The following ADAMTS6 variants were observed in gnomAD, a reference collection of about 807,000 sequenced individuals.
ADAMTS6 encodes ADAM metallopeptidase with thrombospondin type 1 motif 6.
ADAMTS6 carries 23 observed loss-of-function variants against 144.3 expected under a neutral mutation model. The ratio of observed to expected loss-of-function variants is 0.16; its 90% CI spans 0.11 to 0.23. The LOEUF (loss-of-function observed/expected upper bound fraction) is 0.23. ADAMTS6 is among the 10% of genes least tolerant of loss of function. The pLI is 1.00. For missense variants in ADAMTS6, 999 were observed against 1,379.6 expected (o/e 0.72, Z 4.37); for synonymous variants, 444 against 457.5 (o/e 0.97, Z 0.38).
chr5:65,226,249 T>A, intron 15 of ADAMTS6, 30 bp from the exon 16 acceptor site: 3 of 1,605,292 alleles, frequency 1.9e-6, no homozygotes, highest in Non-Finnish European at 2.6e-6. Context: ...GAGAAATAAG[T>A]GGAGTGGTTG....
At chr5:65,394,461 T>C (rs570663352) in intron 7 of ADAMTS6, among the ~76,000 whole-genome samples, 5 of 152,176 alleles carry the variant, frequency 3.3e-5, no homozygotes, top group Non-Finnish European at 7.3e-5. Context: ...ATAAAAATGA[T>C]TGCTGTTGTG....
chr5:65,283,621 A>C (rs115594509), intron 11 of ADAMTS6, among the ~76,000 whole-genome samples: 2,948 of 152,218 alleles, frequency 0.019, 103 homozygotes, highest in African/African-American at 0.067. Flanking sequence ...ATATGTTTGG[A>C]TTTCAAAAGA....
At chr5:65,411,418 A>G (rs1417914224) in intron 7 of ADAMTS6, among the ~76,000 whole-genome samples, 1 of 152,200 alleles carries the variant, frequency 6.6e-6, no homozygotes, top group Non-Finnish European at 1.5e-5. Flanking sequence ...ATTTTGAATA[A>G]AAAGTCTTTA....
At chr5:65,380,246 A>C (rs960130682) in intron 7 of ADAMTS6, among the ~76,000 whole-genome samples, 1 of 152,234 alleles carries the variant, frequency 6.6e-6, no homozygotes, top group East Asian at 1.9e-4. Flanking sequence ...TACGGAATTA[A>C]CAACTAGCAC....
At chr5:65,457,851 C>T (rs1002459965) in intron 4 of ADAMTS6, among the ~76,000 whole-genome samples, 27 of 149,724 alleles carry the variant, frequency 1.8e-4, no homozygotes, top group African/African-American at 7.4e-5. Context: ...CTCAGCCTCC[C>T]GAGTAGCTGG....
At chr5:65,383,694 T>C (rs1008759386) in intron 7 of ADAMTS6, among the ~76,000 whole-genome samples, 1 of 152,124 alleles carries the variant, frequency 6.6e-6, no homozygotes, top group East Asian at 1.9e-4. Context: ...CTCTGGGGTG[T>C]TGGGGGCATT....
At chr5:65,307,663 A>C (rs905247929) in intron 9 of ADAMTS6, among the ~76,000 whole-genome samples, 14 of 152,110 alleles carry the variant, frequency 9.2e-5, no homozygotes, top group African/African-American at 2.9e-4. Flanking sequence ...TGTTAGAGAG[A>C]ATTTAAAGGG....
At chr5:65,292,891 C>T (rs901525008) in intron 10 of ADAMTS6, among the ~76,000 whole-genome samples, 1 of 152,068 alleles carries the variant, frequency 6.6e-6, no homozygotes, top group African/African-American at 2.4e-5. Flanking sequence ...ACCCAGCTAT[C>T]CAGTTTTCAT....
At chr5:65,329,255 A>G (rs1746474147) in intron 9 of ADAMTS6, 123 bp downstream of exon 9, 4 of 760,028 alleles carry the variant, frequency 5.3e-6, no homozygotes. Context: ...TAATAACATC[A>G]TCTATTGGAA....
Position 65,242,158 on chromosome 5 carries a change from A to G in ADAMTS6, c.1879T>C (p.Phe627Leu). The G allele has an allele frequency of 1.2e-6, 2 of 1,604,146 alleles. No individual in the cohort carries two copies. The highest frequency in any genetic ancestry group is 1.7e-6 in the Non-Finnish European group (2 of 1,173,674). ...RDFREKQCAD[F>L]DNMPFRGKYY... ...TTTCCTCGGAAAGGCATATTGTCAA[A>G]GTCTGCACACTGTTTCTCTCGAAAA... is the stretch of plus-strand genomic sequence containing the variant. Residue 627 changes from phenylalanine to leucine, a missense_variant, in exon 15 of 25, where the codon TTT becomes CTT. Phe to Leu is a conservative substitution (Grantham distance 22, BLOSUM62 0). Around this residue, in one of 3 missense-constraint regions of ADAMTS6, gnomAD observed 619 missense variants for 837.0 expected, o/e 0.74. Transcript: ENST00000381055.
At chr5:65,362,033 C>T (rs913568605) in intron 7 of ADAMTS6, among the ~76,000 whole-genome samples, 2 of 152,188 alleles carry the variant, frequency 1.3e-5, no homozygotes, top group Non-Finnish European at 2.9e-5. Context: ...CTGCAGACGG[C>T]CTACCATGGT....
intron 3 of ADAMTS6, among the ~76,000 whole-genome samples, chr5:65,466,392 C>T (rs1262235249): frequency 6.6e-6 from 1 of 152,188 alleles, no homozygotes; most frequent in Non-Finnish European, 1.5e-5. Context: ...TTTCCTTCCT[C>T]CTTTCCCTTA....
chr5:65,270,327 C>T (rs1761957533), intron 12 of ADAMTS6, among the ~76,000 whole-genome samples: 1 of 152,048 alleles, frequency 6.6e-6, no homozygotes. Flanking sequence ...CATTTGGCAA[C>T]AGTAAATATT....
chr5:65,328,811 G>T (rs1746429446), intron 9 of ADAMTS6, among the ~76,000 whole-genome samples: 1 of 151,892 alleles, frequency 6.6e-6, no homozygotes, highest in Non-Finnish European at 1.5e-5. Flanking sequence ...TTTTTCCTTT[G>T]GCACAGGTTC....
intron 7 of ADAMTS6, among the ~76,000 whole-genome samples, chr5:65,442,552 G>T (rs1335234411): frequency 2.6e-5 from 4 of 151,904 alleles, no homozygotes; most frequent in Non-Finnish European, 5.9e-5. Context: ...TTCTGTGAGG[G>T]CAACATTACC....
chr5:65,438,397 G>A (rs866749696), intron 7 of ADAMTS6, among the ~76,000 whole-genome samples: 4 of 152,010 alleles, frequency 2.6e-5, no homozygotes, highest in East Asian at 1.9e-4. Context: ...CCGTGGTGTC[G>A]GGTGCCTGTA....
chr5:65,472,245 A>G (rs1323475506), intron 2 of ADAMTS6, among the ~76,000 whole-genome samples: 1 of 150,212 alleles, frequency 6.7e-6, no homozygotes, highest in Non-Finnish European at 1.5e-5. Flanking sequence ...CTCTACAGAC[A>G]GAAGGTTTAG....
chr5:65,167,178 C>T (rs1281640722), intron 24 of ADAMTS6, among the ~76,000 whole-genome samples: 1 of 147,610 alleles, frequency 6.8e-6, no homozygotes, highest in Admixed American at 6.7e-5. Flanking sequence ...CAAATAGACA[C>T]AATAAAAAAT....
At chr5:65,280,837 T>C (rs1381883987) in intron 11 of ADAMTS6, among the ~76,000 whole-genome samples, 1 of 152,196 alleles carries the variant, frequency 6.6e-6, no homozygotes, top group Non-Finnish European at 1.5e-5. Context: ...GGAAAAAATA[T>C]GCAGGACAAC....
Sources: allele counts gnomAD v4.1 joint callset (sites outside exome capture counted in the v4.1 genomes callset), GRCh38; gene constraint gnomAD v4.1.1; regional missense constraint gnomAD v4.1.1; transcripts MANE v1.5; gene names NCBI Gene and HGNC (gene_info 2026-07-23, HGNC 2026-07-21).